The following CLSTN2 variants were observed in gnomAD, a reference collection of about 807,000 sequenced individuals.
The protein encoded by CLSTN2 is calsyntenin 2, also known as calsyntenin-2.
In CLSTN2, 48 loss-of-function variants were observed where a neutral mutation model predicts 101.2. The observed-to-expected ratio is 0.47, with a 90% confidence interval of 0.38 to 0.60. CLSTN2 has a LOEUF of 0.60. Ranked by LOEUF, CLSTN2 falls within the 20% of genes least tolerant of loss-of-function variation. The pLI, the probability that CLSTN2 is intolerant of heterozygous loss-of-function variation, is 0.00. For synonymous variants in CLSTN2, 481 were observed against 463.6 expected, an observed-to-expected ratio of 1.04 and a Z score of -0.48; for missense variants, 1,160 against 1,238.2, an observed-to-expected ratio of 0.94 and a Z score of 0.95.
chr3:140,021,178 T>C (rs1054448780), intron 1 of CLSTN2, among the ~76,000 whole-genome samples: 2 of 152,174 alleles, frequency 1.3e-5, no homozygotes, highest in African/African-American at 4.8e-5. Context: ...CATTGCTAGC[T>C]ACATAGACCA....
At chr3:140,024,453 T>A (rs143004205) in intron 1 of CLSTN2, among the ~76,000 whole-genome samples, 1 of 152,180 alleles carries the variant, frequency 6.6e-6, no homozygotes, top group South Asian at 2.1e-4. Context: ...GTTTTTGTTT[T>A]CTCAAGGAAG....
At chr3:140,331,583 C>T (rs2087383526) in intron 2 of CLSTN2, among the ~76,000 whole-genome samples, 1 of 152,210 alleles carries the variant, frequency 6.6e-6, no homozygotes, top group South Asian at 2.1e-4. Flanking sequence ...TTCAGGTTGA[C>T]ATCTTCACCA....
chr3:140,485,558 A>T (rs1385629917), intron 8 of CLSTN2, among the ~76,000 whole-genome samples: 1 of 152,176 alleles, frequency 6.6e-6, no homozygotes, highest in Non-Finnish European at 1.5e-5. Context: ...CCAGAGGTGG[A>T]GTCTACAGTG....
chr3:139,984,953 A>G (rs531770905), intron 1 of CLSTN2, among the ~76,000 whole-genome samples: 2 of 152,242 alleles, frequency 1.3e-5, no homozygotes, highest in South Asian at 2.1e-4. Context: ...CCAGCCAAAA[A>G]TGTTTTCTTT....
chr3:140,076,248 T>G (rs910955746), intron 1 of CLSTN2, among the ~76,000 whole-genome samples: 6 of 152,224 alleles, frequency 3.9e-5, no homozygotes, highest in Non-Finnish European at 8.8e-5. Context: ...TTCACCTTTT[T>G]AAAGGCTGGA....
chr3:140,149,367 C>A (rs113766070), intron 1 of CLSTN2, among the ~76,000 whole-genome samples: 1 of 152,286 alleles, frequency 6.6e-6, no homozygotes, highest in Admixed American at 6.5e-5. Flanking sequence ...CTGAAATCAC[C>A]TTGTAGATAG....
chr3:140,506,889 A>C (rs1220818027), intron 8 of CLSTN2: 1 of 152,194 alleles, frequency 6.6e-6, no homozygotes, highest in Non-Finnish European at 1.5e-5. Context: ...TGAAATGATA[A>C]ATGGCTATAT....
At chr3:139,947,111 C>T (rs574173729) in intron 1 of CLSTN2, among the ~76,000 whole-genome samples, 1 of 152,346 alleles carries the variant, frequency 6.6e-6, no homozygotes, top group South Asian at 2.1e-4. Context: ...TCTCAGATAA[C>T]AGCCTACCTT....
intron 9 of CLSTN2, among the ~76,000 whole-genome samples, chr3:140,541,524 GGTCT>G (rs1342924431): frequency 6.6e-6 from 1 of 152,170 alleles, no homozygotes; most frequent in African/African-American, 2.4e-5. Flanking sequence ...GGTCACTAAT[GGTCT>G]GTCAGAACTG....
intron 1 of CLSTN2, among the ~76,000 whole-genome samples, chr3:140,141,179 G>T (rs1056442984): frequency 2.0e-5 from 3 of 152,196 alleles, no homozygotes; most frequent in African/African-American, 7.2e-5. Context: ...TTTGTCACAG[G>T]ATGAGTCTGA....
intron 2 of CLSTN2, among the ~76,000 whole-genome samples, chr3:140,200,194 AG>A (rs2010700321): frequency 6.6e-6 from 1 of 152,208 alleles, no homozygotes; most frequent in African/African-American, 2.4e-5. Context: ...ATGAAAGCCA[AG>A]ATTTCTTTTC....
intron 8 of CLSTN2, among the ~76,000 whole-genome samples, chr3:140,480,604 C>A (rs1445807808): frequency 6.6e-6 from 1 of 152,170 alleles, no homozygotes; most frequent in Non-Finnish European, 1.5e-5. Context: ...CTCTCTAGCA[C>A]CTGTTGTTTC....
At chr3:139,961,453 C>T (rs1935509556) in intron 1 of CLSTN2, among the ~76,000 whole-genome samples, 1 of 152,138 alleles carries the variant, frequency 6.6e-6, no homozygotes, top group Admixed American at 6.5e-5. Flanking sequence ...CTTCAGGAAG[C>T]TCACACTTAA....
At chr3:140,291,428 A>T (rs2086951540) in intron 2 of CLSTN2, among the ~76,000 whole-genome samples, 1 of 149,618 alleles carries the variant, frequency 6.7e-6, no homozygotes, top group South Asian at 2.1e-4. Flanking sequence ...CTCTCCCATC[A>T]CTCAGCAATG....
chr3:140,126,859 TG>T (rs573647498), intron 1 of CLSTN2, among the ~76,000 whole-genome samples: 1 of 152,232 alleles, frequency 6.6e-6, no homozygotes, highest in South Asian at 2.1e-4. Context: ...CCCATCATAG[TG>T]GGCCCAGTCA....
At chr3:140,229,094 A>T (rs918285370) in intron 2 of CLSTN2, among the ~76,000 whole-genome samples, 1 of 152,136 alleles carries the variant, frequency 6.6e-6, no homozygotes, top group Non-Finnish European at 1.5e-5. Context: ...CCACCATAGA[A>T]CTAGGCTGGG....
intron 10 of CLSTN2, among the ~76,000 whole-genome samples, chr3:140,554,495 C>T (rs776041532): frequency 1.3e-5 from 2 of 152,184 alleles, no homozygotes; most frequent in Non-Finnish European, 2.9e-5. Context: ...TGGCAAAAAT[C>T]CTGACATCTG....
chr3:140,173,719 T>C (rs1351380878), intron 1 of CLSTN2, among the ~76,000 whole-genome samples: 2 of 152,218 alleles, frequency 1.3e-5, no homozygotes, highest in Non-Finnish European at 2.9e-5. Context: ...GCAGGCTCAA[T>C]GCCATGTGGA....
intron 1 of CLSTN2, among the ~76,000 whole-genome samples, chr3:140,161,045 G>GT (rs2010039196): frequency 1.3e-5 from 2 of 152,098 alleles, no homozygotes; most frequent in Admixed American, 6.6e-5. Context: ...CACCTACCAT[G>GT]TGCCAGGCCT....
Sources: allele counts gnomAD v4.1 joint callset (sites outside exome capture counted in the v4.1 genomes callset), GRCh38; gene constraint gnomAD v4.1.1; transcripts MANE v1.5; gene names NCBI Gene and HGNC (gene_info 2026-07-23, HGNC 2026-07-21).